KLF8: variants seen among roughly 807,000 people sequenced by gnomAD.
The protein encoded by KLF8 is KLF transcription factor 8, also known as Krueppel-like factor 8.
A neutral mutation model predicts 18.2 loss-of-function variants in KLF8; 10 were observed. The observed-to-expected ratio is 0.55, with a 90% CI of 0.34 to 0.93. KLF8 has a LOEUF of 0.93. KLF8 is among the 40% of genes least tolerant of loss of function. KLF8 has a pLI of 0.02. For synonymous variants in KLF8, 109 were observed against 97.3 expected (o/e 1.12, Z -0.71); for missense variants, 264 against 277.9 (o/e 0.95, Z 0.36).
At chrX:55,978,071 A>G in the KLF8 span, among the ~76,000 whole-genome samples, 1 of 110,264 alleles carries the variant, frequency 9.1e-6, no homozygotes, top group East Asian at 2.8e-4. Flanking sequence ...CTCTCTATAT[A>G]TATATAGATA....
At chrX:56,254,239 C>T (rs983221523) in intron 2 of KLF8, among the ~76,000 whole-genome samples, 6 of 112,095 alleles carry the variant, frequency 5.4e-5, no homozygotes, top group Non-Finnish European at 1.1e-4. Flanking sequence ...GGTGCTGGAC[C>T]TAGCTGGCGC....
At chrX:55,952,324 C>T in the KLF8 span, among the ~76,000 whole-genome samples, 1 of 112,217 alleles carries the variant, frequency 8.9e-6, no homozygotes, top group Non-Finnish European at 1.9e-5. Context: ...ATATTAATTT[C>T]CTATTGTTGC....
chrX:56,054,680 G>T, the KLF8 span, among the ~76,000 whole-genome samples: 22 of 111,420 alleles, frequency 2.0e-4, no homozygotes, highest in Non-Finnish European at 4.1e-4. Flanking sequence ...AATATGTTGA[G>T]TGTTGTGTTG....
At chrX:56,272,409 C>T (rs2067069677) in intron 5 of KLF8, among the ~76,000 whole-genome samples, 1 of 111,242 alleles carries the variant, frequency 9.0e-6, no homozygotes, top group South Asian at 3.9e-4. Context: ...TGGGGTTCCA[C>T]CATGTTGGCC....
At chrX:56,068,080 G>A in the KLF8 span, among the ~76,000 whole-genome samples, 788 of 111,990 alleles carry the variant, frequency 7.0e-3, 8 homozygotes, top group African/African-American at 0.024. Context: ...CAGCTTTAGG[G>A]TGAAGCCTCC....
intron 2 of KLF8, among the ~76,000 whole-genome samples, chrX:56,251,592 A>G (rs1429166352): frequency 9.1e-6 from 1 of 110,292 alleles, no homozygotes; most frequent in Non-Finnish European, 1.9e-5. Flanking sequence ...CCTCCTGAGT[A>G]GCTGGGACTA....
In KLF8 at chrX:56,250,362, G is replaced by A. The variant is rs191385534; in HGVS notation, c.81+58G>A. 3.7e-4 allele frequency: 303 copies of A among 826,594 alleles called. 1 individual carries two copies. In the African/African-American group the frequency reaches 5.6e-3, roughly 15 times the overall value. 68.1% of individuals were successfully genotyped at this position (826,594 alleles called of 1,213,427 possible). Reference sequence around the variant, plus strand: ...GGGCCATAATAGTATTGAATACCTGGTAGTGATTACAGAATTTAAACTCAT... The same window carrying A: ...GGGCCATAATAGTATTGAATACCTGATAGTGATTACAGAATTTAAACTCAT... On this transcript the variant is annotated intron_variant, in intron 2 of 5. Coordinates refer to ENST00000468660, the MANE Select transcript of KLF8 (RefSeq NM_007250.5).
the KLF8 span, among the ~76,000 whole-genome samples, chrX:56,084,453 A>C: frequency 8.9e-6 from 1 of 111,775 alleles, no homozygotes; most frequent in Admixed American, 9.5e-5. Flanking sequence ...AAACATAAAC[A>C]TATTTTGACA....
the KLF8 span, among the ~76,000 whole-genome samples, chrX:56,156,721 C>T: frequency 9.5e-6 from 1 of 105,277 alleles, no homozygotes; most frequent in Non-Finnish European, 1.9e-5. Context: ...TATCCCTCCC[C>T]CCTACCCACC....
the KLF8 span, among the ~76,000 whole-genome samples, chrX:56,013,114 C>T: frequency 1.8e-5 from 2 of 112,659 alleles, no homozygotes; most frequent in Admixed American, 1.9e-4. Context: ...GAAAGGATTC[C>T]TGCCCAAGGC....
the KLF8 span, among the ~76,000 whole-genome samples, chrX:55,957,980 A>T: frequency 8.9e-6 from 1 of 112,304 alleles, no homozygotes; most frequent in Non-Finnish European, 1.9e-5. Flanking sequence ...CTTTTTCAAG[A>T]TTACACATCC....
chrX:56,179,503 C>T, the KLF8 span, among the ~76,000 whole-genome samples: 7 of 111,900 alleles, frequency 6.3e-5, no homozygotes, highest in East Asian at 8.4e-4. Context: ...GCCTGATTGC[C>T]TTGGCCAGAA....
chrX:56,144,721 C>A, the KLF8 span, among the ~76,000 whole-genome samples: 1 of 102,024 alleles, frequency 9.8e-6, no homozygotes, highest in African/African-American at 3.6e-5. Context: ...CCACTGCACT[C>A]CAGCCTGGGT....
chrX:56,050,799 C>T, the KLF8 span, among the ~76,000 whole-genome samples: 1 of 110,631 alleles, frequency 9.0e-6, no homozygotes, highest in East Asian at 2.8e-4. Flanking sequence ...TGGTGCAGAG[C>T]TGAGTTCAAT....
At chrX:56,241,598 C>T (rs1431797138) in intron 1 of KLF8, among the ~76,000 whole-genome samples, 1 of 112,120 alleles carries the variant, frequency 8.9e-6, no homozygotes. Flanking sequence ...ATGGATTTTC[C>T]ATCTATGTCC....
At chrX:56,141,712 T>C in the KLF8 span, among the ~76,000 whole-genome samples, 6 of 111,449 alleles carry the variant, frequency 5.4e-5, no homozygotes, top group African/African-American at 2.0e-4. Context: ...TGGGGAAAAC[T>C]GACATGGTAT....
the KLF8 span, among the ~76,000 whole-genome samples, chrX:56,064,083 G>GTATATATA: frequency 1.5e-4 from 16 of 105,123 alleles, no homozygotes; most frequent in East Asian, 8.8e-4. Flanking sequence ...ATACATGTGT[G>GTATATATA]TGTATATATA....
chrX:56,008,137 T>TATATATATAC, the KLF8 span, among the ~76,000 whole-genome samples: 10 of 106,449 alleles, frequency 9.4e-5, no homozygotes, highest in African/African-American at 2.9e-4. Context: ...TATATATATA[T>TATATATATAC]ACACACACAA....
chrX:56,144,414 T>C, the KLF8 span, among the ~76,000 whole-genome samples: 3 of 109,545 alleles, frequency 2.7e-5, no homozygotes, highest in Admixed American at 9.9e-5. Flanking sequence ...TATTTGCAAA[T>C]CATATACCTG....
Sources: allele counts gnomAD v4.1 joint callset (sites outside exome capture counted in the v4.1 genomes callset), GRCh38; gene constraint gnomAD v4.1.1; transcripts MANE v1.5; gene names NCBI Gene and HGNC (gene_info 2026-07-23, HGNC 2026-07-21).